Variants in MAML2 observed in about 807,000 individuals in gnomAD.
The protein encoded by MAML2 is mastermind-like protein 2.
Under a neutral mutation model 96.1 loss-of-function variants are expected in MAML2, and 22 were observed. The ratio of observed to expected loss-of-function variants is 0.23; its 90% confidence interval spans 0.16 to 0.33. The LOEUF is 0.33. Ranked by LOEUF, MAML2 falls within the 10% of genes least tolerant of loss-of-function variation. MAML2 has a pLI of 1.00. For synonymous variants in MAML2, 561 were observed against 521.3 expected, an observed-to-expected ratio of 1.08 and a Z score of -1.04; for missense variants, 1,367 against 1,392.4, an observed-to-expected ratio of 0.98 and a Z score of 0.29.
At chr11:96,023,488 G>A (rs1308909178) in intron 2 of MAML2, among the ~76,000 whole-genome samples, 1 of 152,202 alleles carries the variant, frequency 6.6e-6, no homozygotes, top group African/African-American at 2.4e-5. Flanking sequence ...CAGCTGGCAA[G>A]GCTCCCCAGA....
chr11:96,000,202 A>G (rs1270499969), intron 2 of MAML2, among the ~76,000 whole-genome samples: 3 of 152,228 alleles, frequency 2.0e-5, no homozygotes, highest in African/African-American at 7.2e-5. Context: ...ATCAGCCAGG[A>G]AACAGCTTGT....
intron 2 of MAML2, among the ~76,000 whole-genome samples, chr11:96,009,614 C>T (rs1858237565): frequency 6.6e-6 from 1 of 152,184 alleles, no homozygotes; most frequent in African/African-American, 2.4e-5. Flanking sequence ...CTCTACTGCA[C>T]TGCTCTTCAG....
intron 1 of MAML2, among the ~76,000 whole-genome samples, chr11:96,112,905 G>A (rs1860154856): frequency 6.6e-6 from 1 of 152,222 alleles, no homozygotes; most frequent in African/African-American, 2.4e-5. Flanking sequence ...CAACTGCTGA[G>A]AAGAAACACT....
chr11:96,218,008 C>T lies in MAML2; in HGVS notation c.513+123375G>A, dbSNP rs148319314. ...TCAAGACTCCAATTTACCTTTCATG[C>T]TTTGCATTCTCTCAAAGTACATTTC... On this transcript the variant is annotated intron_variant, in intron 1 of 4. Coordinates refer to ENST00000524717, the MANE Select transcript of MAML2 (RefSeq NM_032427.4). Among the ~76,000 whole-genome samples the T allele has an allele frequency of 1.5e-3, 223 of 152,334 alleles. 6 individuals are homozygous for T. The East Asian group carries it at 0.036, about 25-fold the overall frequency.
chr11:96,275,514 C>T (rs1411736209), intron 1 of MAML2, among the ~76,000 whole-genome samples: 1 of 152,096 alleles, frequency 6.6e-6, no homozygotes, highest in Admixed American at 6.5e-5. Context: ...CGTGATCCAC[C>T]CGCCTTGACC....
intron 1 of MAML2, among the ~76,000 whole-genome samples, chr11:96,171,219 G>A (rs1861290045): frequency 6.6e-6 from 1 of 152,134 alleles, no homozygotes; most frequent in African/African-American, 2.4e-5. Flanking sequence ...CAGATTGTAT[G>A]TGAGCTGAGA....
intron 1 of MAML2, among the ~76,000 whole-genome samples, chr11:96,182,550 G>A (rs7924519): frequency 6.6e-6 from 1 of 151,890 alleles, no homozygotes. Flanking sequence ...CTAGAAGCAG[G>A]TTAAATTCAA....
At chr11:96,013,986 A>G (rs1287666791) in intron 2 of MAML2, among the ~76,000 whole-genome samples, 1 of 152,184 alleles carries the variant, frequency 6.6e-6, no homozygotes, top group East Asian at 1.9e-4. Context: ...AAACTAAGAG[A>G]GCACGCTGTA....
chr11:96,126,992 A>C (rs1171022404), intron 1 of MAML2, among the ~76,000 whole-genome samples: 1 of 152,196 alleles, frequency 6.6e-6, no homozygotes, highest in Non-Finnish European at 1.5e-5. Flanking sequence ...ACAGGCTGCC[A>C]TAGAACACAG....
At chr11:95,996,094 A>G (rs956011830) in intron 2 of MAML2, among the ~76,000 whole-genome samples, 7 of 151,540 alleles carry the variant, frequency 4.6e-5, no homozygotes, top group Non-Finnish European at 1.0e-4. Flanking sequence ...CAATCAATCA[A>G]TCTCAGATCA....
At chr11:96,226,807 C>G (rs1803243810) in intron 1 of MAML2, among the ~76,000 whole-genome samples, 1 of 152,192 alleles carries the variant, frequency 6.6e-6, no homozygotes, top group African/African-American at 2.4e-5. Context: ...ACCTAAACTG[C>G]ATGCCATCTT....
intron 1 of MAML2, among the ~76,000 whole-genome samples, chr11:96,177,804 G>A (rs1861410173): frequency 6.6e-6 from 1 of 152,050 alleles, no homozygotes; most frequent in African/African-American, 2.4e-5. Flanking sequence ...ATTTGAGAGT[G>A]GAAATATAGT....
chr11:96,246,064 A>G (rs1862508886), intron 1 of MAML2, among the ~76,000 whole-genome samples: 1 of 151,810 alleles, frequency 6.6e-6, no homozygotes, highest in Middle Eastern at 3.4e-3. Context: ...GCTAGGTACT[A>G]TGCTAGGCAC....
At chr11:96,330,192 T>C (rs924990404) in intron 1 of MAML2, among the ~76,000 whole-genome samples, 2 of 152,162 alleles carry the variant, frequency 1.3e-5, no homozygotes, top group African/African-American at 2.4e-5. Context: ...TGAGGAAGCC[T>C]AGGAGAATGT....
intron 2 of MAML2, among the ~76,000 whole-genome samples, chr11:96,083,273 T>G (rs1031660263): frequency 6.6e-6 from 1 of 152,244 alleles, no homozygotes; most frequent in Non-Finnish European, 1.5e-5. Context: ...GTACAAGTTA[T>G]ATTTCTGCTT....
intron 2 of MAML2, among the ~76,000 whole-genome samples, chr11:96,073,321 C>CTTTTTTTT (rs57220287): frequency 9.2e-6 from 1 of 108,314 alleles, no homozygotes; most frequent in African/African-American, 3.3e-5. Flanking sequence ...CTTTTCTTTT[C>CTTTTTTTT]TTTTTTTTTT....
At chr11:96,223,635 C>T (rs1348469730) in intron 1 of MAML2, among the ~76,000 whole-genome samples, 1 of 151,714 alleles carries the variant, frequency 6.6e-6, no homozygotes, top group African/African-American at 2.4e-5. Flanking sequence ...GTGCATGTCA[C>T]AGAGATTTGT....
intron 1 of MAML2, among the ~76,000 whole-genome samples, chr11:96,266,797 G>T (rs1423062439): frequency 6.6e-6 from 1 of 152,142 alleles, no homozygotes. Flanking sequence ...ATGTGGTTAG[G>T]TATGTTTCCA....
At chr11:95,989,612 C>A (rs910752982) in intron 3 of MAML2, among the ~76,000 whole-genome samples, 1 of 152,060 alleles carries the variant, frequency 6.6e-6, no homozygotes, top group Non-Finnish European at 1.5e-5. Context: ...TCTCTGCTGT[C>A]CTTGTTTCTA....
Sources: allele counts gnomAD v4.1 joint callset (sites outside exome capture counted in the v4.1 genomes callset), GRCh38; gene constraint gnomAD v4.1.1; transcripts MANE v1.5; gene names NCBI Gene and HGNC (gene_info 2026-07-23, HGNC 2026-07-21).